The following CDIN1 variants were observed in gnomAD, a reference collection of about 807,000 sequenced individuals.
The protein encoded by CDIN1 is CDAN1-interacting nuclease 1.
CDIN1 carries 33 observed loss-of-function variants against 45.3 expected under a neutral mutation model. That is an observed-to-expected ratio of 0.73 (90% CI 0.55 to 0.97). CDIN1 has a LOEUF of 0.97. CDIN1 is among the 50% of genes least tolerant of loss of function. The pLI is 0.00. For synonymous variants in CDIN1, 118 were observed against 124.4 expected, an observed-to-expected ratio of 0.95 and a Z score of 0.34; for missense variants, 303 against 339.4, an observed-to-expected ratio of 0.89 and a Z score of 0.84.
At chr15:36,613,802 C>G in intron 1 of CDIN1, 2 of 1,603,606 alleles carry the variant, frequency 1.2e-6, no homozygotes, top group Non-Finnish European at 1.7e-6. Context: ...CCAGGAAATC[C>G]AACCCAAAGA....
chr15:36,658,971 CA>C (rs1309162212), intron 5 of CDIN1, among the ~76,000 whole-genome samples: 1 of 152,142 alleles, frequency 6.6e-6, no homozygotes, highest in Non-Finnish European at 1.5e-5. Context: ...GCTTCATGAG[CA>C]AATCACATGA....
intron 5 of CDIN1, chr15:36,668,166 T>C (rs2041320596): frequency 6.6e-6 from 1 of 152,144 alleles, no homozygotes; most frequent in Admixed American, 6.5e-5. Context: ...GGGCTCAGTG[T>C]TCCTTGTCTT....
At chr15:36,755,743 A>G (rs2053593610) in intron 10 of CDIN1, among the ~76,000 whole-genome samples, 1 of 152,130 alleles carries the variant, frequency 6.6e-6, no homozygotes, top group Non-Finnish European at 1.5e-5. Context: ...ATTTCCTACA[A>G]CAATATCCTC....
intron 1 of CDIN1, among the ~76,000 whole-genome samples, chr15:36,586,410 T>C (rs952480671): frequency 1.3e-5 from 2 of 152,168 alleles, no homozygotes; most frequent in African/African-American, 4.8e-5. Context: ...AGAATATTCA[T>C]TTAACCAGTG....
chr15:36,674,244 G>A (rs1312161670), intron 5 of CDIN1, among the ~76,000 whole-genome samples: 1 of 152,132 alleles, frequency 6.6e-6, no homozygotes, highest in South Asian at 2.1e-4. Context: ...TGATGAATGA[G>A]CATTAGGGTA....
intron 1 of CDIN1, among the ~76,000 whole-genome samples, chr15:36,609,932 A>G (rs2140268640): frequency 1.3e-5 from 2 of 152,332 alleles, no homozygotes; most frequent in African/African-American, 4.8e-5. Context: ...GAAACTTTCT[A>G]CAGTCTGAGA....
rs187262144 is a variant in CDIN1 at position 36,710,192 on chromosome 15, A to G, written c.716+231A>G. Reference sequence around the variant, plus strand: ...TAAGGTCAAAATTAGTATATATTCCATTTTTCATTCATTTTACAATAATAT... The same window carrying G: ...TAAGGTCAAAATTAGTATATATTCCGTTTTTCATTCATTTTACAATAATAT... On this transcript the variant is annotated intron_variant, in intron 10 of 10. Coordinates refer to ENST00000566621, the MANE Select transcript of CDIN1 (RefSeq NM_001321759.2). Among the ~76,000 whole-genome samples the G allele has an allele frequency of 5.6e-4, 86 of 152,220 alleles. No homozygotes were observed. The East Asian group carries it at 7.7e-3, about 14-fold the overall frequency.
At chr15:36,621,483 A>G (rs2039186802) in intron 1 of CDIN1, among the ~76,000 whole-genome samples, 1 of 152,214 alleles carries the variant, frequency 6.6e-6, no homozygotes, top group African/African-American at 2.4e-5. Context: ...GTTTGAAACT[A>G]TTCATTTCTA....
chr15:36,641,315 C>G (rs2140391898), intron 1 of CDIN1: 1 of 152,438 alleles, frequency 6.6e-6, no homozygotes, highest in South Asian at 2.1e-4. Flanking sequence ...ACAGTGTCCT[C>G]AAGGACCCAA....
At chr15:36,650,896 C>T (rs1218728419) in intron 3 of CDIN1, among the ~76,000 whole-genome samples, 2 of 152,036 alleles carry the variant, frequency 1.3e-5, no homozygotes, top group Non-Finnish European at 2.9e-5. Context: ...AACCCTATCT[C>T]TACTAAAAGC....
chr15:36,692,025 G>A (rs1346709142), intron 6 of CDIN1, 101 bp from the exon 7 acceptor site: 3 of 1,152,116 alleles, frequency 2.6e-6, no homozygotes, highest in Non-Finnish European at 3.6e-6. Flanking sequence ...TTGGGGGGCG[G>A]GGGTGGGGGA....
At chr15:36,712,519 C>A (rs148057238) in intron 10 of CDIN1, among the ~76,000 whole-genome samples, 155 of 152,156 alleles carry the variant, frequency 1.0e-3, no homozygotes, top group African/African-American at 3.7e-3. Context: ...CTTCCTTGGT[C>A]TCCCAAAGTG....
chr15:36,734,356 C>A, intron 10 of CDIN1: 1 of 430,604 alleles, frequency 2.3e-6, no homozygotes. Context: ...TATAAGAATT[C>A]CAGAGGTACT....
chr15:36,758,654 T>C (rs991342563), intron 10 of CDIN1, among the ~76,000 whole-genome samples: 1 of 152,200 alleles, frequency 6.6e-6, no homozygotes, highest in African/African-American at 2.4e-5. Context: ...TTGCACTTAA[T>C]GGAATTCTTC....
intron 4 of CDIN1, among the ~76,000 whole-genome samples, chr15:36,657,098 A>C (rs1188875252): frequency 6.6e-6 from 1 of 152,144 alleles, no homozygotes; most frequent in Admixed American, 6.6e-5. Context: ...TATTAATTAA[A>C]ATGACTGTCG....
intron 5 of CDIN1, among the ~76,000 whole-genome samples, chr15:36,682,597 TA>T (rs1046270839): frequency 1.8e-4 from 22 of 119,190 alleles, no homozygotes; most frequent in African/African-American, 5.6e-4. Flanking sequence ...ATCCTGTCTC[TA>T]CAAAAAAAAA....
At chr15:36,785,040 TCAGGGTGCTGC>T (rs1379945339) in intron 10 of CDIN1, among the ~76,000 whole-genome samples, 2 of 152,190 alleles carry the variant, frequency 1.3e-5, no homozygotes, top group Non-Finnish European at 2.9e-5. Flanking sequence ...ATTTCAGATG[TCAGGGTGCTGC>T]CCTTGTAAAG....
intron 1 of CDIN1, among the ~76,000 whole-genome samples, chr15:36,590,277 G>A (rs760851388): frequency 3.3e-5 from 5 of 152,104 alleles, no homozygotes; most frequent in Non-Finnish European, 7.3e-5. Context: ...AAAGTAAAAT[G>A]TTAAATTTTC....
chr15:36,692,910 T>G (rs2042304108), intron 7 of CDIN1, among the ~76,000 whole-genome samples: 1 of 152,306 alleles, frequency 6.6e-6, no homozygotes, highest in African/African-American at 2.4e-5. Context: ...TTTTTGATAA[T>G]CCTCAAAGGT....
Sources: gnomAD v4.1 joint callset for allele counts (sites outside exome capture counted in the v4.1 genomes callset) on GRCh38, gnomAD v4.1.1 for gene constraint, MANE v1.5 for transcripts, NCBI Gene and HGNC (gene_info 2026-07-23, HGNC 2026-07-21) for gene names.